The following PHLPP1 variants were observed in gnomAD, a reference collection of about 807,000 sequenced individuals.
The protein encoded by PHLPP1 is PH domain and leucine rich repeat protein phosphatase 1.
In PHLPP1, 42 loss-of-function variants were observed where a neutral mutation model predicts 117.2. That is an observed-to-expected ratio of 0.36 (90% confidence interval 0.28 to 0.46). The LOEUF is 0.46. Among genes scored for constraint, PHLPP1 ranks in the 20% least tolerant of loss-of-function variants. The pLI is 1.00. For missense variants in PHLPP1, 2,084 were observed against 2,241.9 expected, an observed-to-expected ratio of 0.93 and a Z score of 1.42; for synonymous variants, 1,042 against 970.7, an observed-to-expected ratio of 1.07 and a Z score of -1.37.
intron 13 of PHLPP1, among the ~76,000 whole-genome samples, chr18:62,961,528 G>A (rs955993692): frequency 6.6e-6 from 1 of 151,940 alleles, no homozygotes; most frequent in Non-Finnish European, 1.5e-5. Context: ...AATTATAAAT[G>A]CCTTTAAAAA....
chr18:62,922,522 T>G (rs780735766), intron 10 of PHLPP1, among the ~76,000 whole-genome samples: 5 of 152,220 alleles, frequency 3.3e-5, no homozygotes, highest in Non-Finnish European at 7.3e-5. Flanking sequence ...GTGAATACTA[T>G]AAAATTTGAT....
intron 13 of PHLPP1, 102 bp downstream of exon 13, chr18:62,958,861 GT>G (rs1348010017): frequency 6.9e-6 from 9 of 1,302,478 alleles, no homozygotes; most frequent in Non-Finnish European, 9.7e-6. Context: ...TCATTGACTT[GT>G]TAGCTGTGTT....
At chr18:62,924,294 G>A (rs1285423323) in intron 10 of PHLPP1, among the ~76,000 whole-genome samples, 1 of 151,866 alleles carries the variant, frequency 6.6e-6, no homozygotes, top group Admixed American at 6.6e-5. Flanking sequence ...ATATTTTTTT[G>A]TGATAATAAA....
intron 1 of PHLPP1, among the ~76,000 whole-genome samples, chr18:62,749,867 T>C (rs1911791889): frequency 6.6e-6 from 1 of 152,072 alleles, no homozygotes; most frequent in African/African-American, 2.4e-5. Context: ...AATATAAAAA[T>C]TAGCTGGGTA....
chr18:62,804,414 T>C (rs1913879298), intron 1 of PHLPP1, among the ~76,000 whole-genome samples: 1 of 152,000 alleles, frequency 6.6e-6, no homozygotes, highest in East Asian at 1.9e-4. Context: ...GTTGCCCTTT[T>C]TCAAAAACTA....
At chr18:62,817,462 A>G (rs1914316859) in intron 1 of PHLPP1, among the ~76,000 whole-genome samples, 1 of 152,202 alleles carries the variant, frequency 6.6e-6, no homozygotes, top group African/African-American at 2.4e-5. Flanking sequence ...GAATTTATAG[A>G]GATGAAAAAT....
intron 4 of PHLPP1, among the ~76,000 whole-genome samples, chr18:62,877,262 T>G (rs1397878225): frequency 2.0e-5 from 3 of 152,198 alleles, no homozygotes; most frequent in African/African-American, 7.2e-5. Flanking sequence ...ATTGAAAGAT[T>G]TTAGTTTTTG....
chr18:62,977,013 T>G (rs1911207915), intron 16 of PHLPP1, among the ~76,000 whole-genome samples: 1 of 152,156 alleles, frequency 6.6e-6, no homozygotes, highest in African/African-American at 2.4e-5. Flanking sequence ...TAGAGAGAAA[T>G]CTAAAGGGAT....
intron 3 of PHLPP1, among the ~76,000 whole-genome samples, chr18:62,842,473 C>T (rs1915078358): frequency 6.6e-6 from 1 of 152,012 alleles, no homozygotes; most frequent in Non-Finnish European, 1.5e-5. Flanking sequence ...AAGCAATTCC[C>T]ACCTCAGCCT....
Position 62,979,313 on chromosome 18 carries a change from A to G in PHLPP1, c.5036A>G (p.Lys1679Arg), listed in dbSNP as rs1911305871. 2 of 1,553,788 alleles carry G rather than the reference A, an allele frequency of 1.3e-6. No individual in the cohort carries two copies. Among genetic ancestry groups the G allele is most frequent in the Admixed American group, 2.0e-5 (1 of 51,120 alleles). The change falls in exon 17 of 17, where the codon AAG (lysine) becomes AGG (arginine). Residue 1679 changes from lysine (K) to arginine (R), a missense_variant. Lys to Arg is a conservative substitution (Grantham distance 26, BLOSUM62 2). Around this residue, in one of 2 missense-constraint regions of PHLPP1, gnomAD observed 1,365 missense variants for 1,605.9 expected, o/e 0.85. Transcript: ENST00000262719. ...GAAGAGGAGGTCAAAGAAATCATGA[A>G]GCATCACCAGGAGCAACAGCAGCAG... Reference protein sequence around the residue: ...ELEEEVKEIMKHHQEQQQQQQ... With the variant: ...ELEEEVKEIMRHHQEQQQQQQ...
intron 12 of PHLPP1, among the ~76,000 whole-genome samples, chr18:62,953,307 T>G (rs1910517957): frequency 6.6e-6 from 1 of 152,108 alleles, no homozygotes; most frequent in Non-Finnish European, 1.5e-5. Context: ...TGGGGCCCAA[T>G]AGTCTCCAGC....
chr18:62,918,789 A>G (rs1163790663), intron 9 of PHLPP1, among the ~76,000 whole-genome samples: 1 of 152,192 alleles, frequency 6.6e-6, no homozygotes, highest in African/African-American at 2.4e-5. Context: ...TTGTAACTAC[A>G]GTTAATAACA....
At position 62,895,036 on chromosome 18, in the gene PHLPP1, C is replaced by G. The variant is rs760809792; in HGVS notation, c.2092C>G (p.Leu698Val). The G allele has an allele frequency of 6.2e-7, 1 of 1,611,288 alleles. No individual in the cohort carries two copies. Among genetic ancestry groups the G allele is most frequent in the Admixed American group, 1.7e-5 (1 of 59,670 alleles). Reference protein sequence around the residue: ...QRFTKLKSLNLSNNHLGDFPL... With the variant: ...QRFTKLKSLNVSNNHLGDFPL... ...GTTCACCAAGTTGAAGAGTCTTAAC[C>G]TTTCCAATAATCATTTAGGGGACTT... Residue 698 changes from leucine to valine, a missense_variant, in exon 5 of 17, where the codon CTT becomes GTT. This residue lies in a region of PHLPP1 where 1,365 missense variants were observed against 1,605.9 expected (regional missense o/e 0.85). Transcript: ENST00000262719.
At chr18:62,885,660 A>AAAAACAAAAC (rs143389050) in intron 4 of PHLPP1, among the ~76,000 whole-genome samples, 2 of 152,248 alleles carry the variant, frequency 1.3e-5, no homozygotes, top group Non-Finnish European at 2.9e-5. Context: ...ACTCCGTCTC[A>AAAAACAAAAC]AAAACAAAAC....
chr18:62,721,590 T>C (rs9955066), intron 1 of PHLPP1, among the ~76,000 whole-genome samples: 28,422 of 152,078 alleles, frequency 0.19, 4,596 homozygotes, highest in African/African-American at 0.44. Context: ...CTTGATGTTA[T>C]TGTGCTCTTG....
intron 6 of PHLPP1, among the ~76,000 whole-genome samples, chr18:62,898,015 C>CTTCTCCTCT (rs3084217): frequency 0.2 from 28,416 of 144,318 alleles, 3,437 homozygotes; most frequent in African/African-American, 0.23. Context: ...TTCCTCCTCC[C>CTTCTCCTCT]TTCTCCTCTT....
chr18:62,976,514 C>T (rs574237687), intron 16 of PHLPP1, among the ~76,000 whole-genome samples: 1 of 152,310 alleles, frequency 6.6e-6, no homozygotes, highest in East Asian at 1.9e-4. Context: ...CATTTACCTT[C>T]AATTGTGTTT....
chr18:62,749,745 G>A (rs750694153), intron 1 of PHLPP1, among the ~76,000 whole-genome samples: 14 of 152,296 alleles, frequency 9.2e-5, no homozygotes, highest in East Asian at 3.9e-4. Context: ...AGGGTTGGGC[G>A]CGGTGGCTCA....
chr18:62,715,968 G>A lies in PHLPP1; in HGVS notation c.285G>A (p.Arg95=). The A allele has an allele frequency of 8.2e-7, 1 of 1,219,548 alleles. No homozygotes were observed. The highest frequency in any genetic ancestry group is 1.0e-6 in the Non-Finnish European group (1 of 980,250). 75.5% of individuals were successfully genotyped at this position (1,219,548 alleles called of 1,614,324 possible). A position where few individuals can be genotyped will look rare whatever the true frequency, so the allele number is the denominator to read the frequency against. ...GRAGGAGRRR[R]RGAPQPIAGG... ...CGGGGGGTGCCGGGCGCAGGAGGCG[G>A]CGCGGGGCGCCCCAGCCCATTGCCG... The change falls in exon 1 of 17, where the codon CGG becomes CGA. Residue 95 remains arginine (R), a synonymous_variant. Transcript: ENST00000262719.
Sources: gnomAD v4.1 joint callset for allele counts (sites outside exome capture counted in the v4.1 genomes callset) on GRCh38, gnomAD v4.1.1 for gene constraint, gnomAD v4.1.1 regional missense constraint, MANE v1.5 for transcripts, NCBI Gene and HGNC (gene_info 2026-07-23, HGNC 2026-07-21) for gene names.